Variants in KLHDC10 observed in about 807,000 individuals in gnomAD.
KLHDC10 encodes kelch domain containing 10, also known as kelch domain-containing protein 10.
In KLHDC10, 24 loss-of-function variants were observed where a neutral mutation model predicts 56.1. The ratio of observed to expected loss-of-function variants is 0.43; its 90% CI spans 0.31 to 0.60. KLHDC10 has a LOEUF of 0.60. Among genes scored for constraint, KLHDC10 ranks in the 20% least tolerant of loss-of-function variants. The probability of loss-of-function intolerance (pLI) is 0.11; values close to 1 mark genes in which losing one functional copy is unlikely to be tolerated. For missense variants in KLHDC10, 349 were observed against 567.0 expected, an observed-to-expected ratio of 0.62 and a Z score of 3.91; for synonymous variants, 188 against 207.1, an observed-to-expected ratio of 0.91 and a Z score of 0.79.
At chr7:130,094,272 A>G (rs1795819933) in intron 1 of KLHDC10, among the ~76,000 whole-genome samples, 1 of 152,134 alleles carries the variant, frequency 6.6e-6, no homozygotes, top group African/African-American at 2.4e-5. Flanking sequence ...ACTCCAAAGT[A>G]GTTTTTAATA....
chr7:130,080,457 A>G (rs753477206), intron 1 of KLHDC10, among the ~76,000 whole-genome samples: 17 of 151,888 alleles, frequency 1.1e-4, no homozygotes, highest in African/African-American at 1.7e-4. Flanking sequence ...CAGTGGCACA[A>G]TCATGGGTCA....
chr7:130,106,298 C>T (rs1343846740), intron 2 of KLHDC10, among the ~76,000 whole-genome samples: 1 of 152,122 alleles, frequency 6.6e-6, no homozygotes, highest in East Asian at 1.9e-4. Context: ...GCGAGTCTTT[C>T]CAGATGTGGT....
chr7:130,079,891 T>A (rs1224955545), intron 1 of KLHDC10, among the ~76,000 whole-genome samples: 1 of 130,800 alleles, frequency 7.6e-6, no homozygotes, highest in Non-Finnish European at 1.6e-5. Context: ...CCTCCCTTCC[T>A]CCCTTTCTTC....
rs534994230 is a variant in KLHDC10, at chr7:130,119,819, G to A, written c.476-930G>A. ...AGATCACACCACTACACTCCAGCCC[G>A]GGAGACAGAGCAAGACTCCGTCTTA... On this transcript the variant is annotated intron_variant, in intron 3 of 9. Transcript: ENST00000335420. Among the ~76,000 whole-genome samples the A allele has an allele frequency of 1.1e-3, 164 of 148,364 alleles. 2 individuals carry two copies. Among genetic ancestry groups the A allele is most frequent in the African/African-American group, 2.2e-3 (88 of 40,062 alleles).
At chr7:130,087,158 C>T (rs1795702752) in intron 1 of KLHDC10, among the ~76,000 whole-genome samples, 1 of 152,220 alleles carries the variant, frequency 6.6e-6, no homozygotes, top group Non-Finnish European at 1.5e-5. Flanking sequence ...GCTGCACTCC[C>T]CTCTGCTTCC....
intron 2 of KLHDC10, among the ~76,000 whole-genome samples, chr7:130,109,005 C>T (rs1796062174): frequency 6.6e-6 from 1 of 152,062 alleles, no homozygotes; most frequent in South Asian, 2.1e-4. Flanking sequence ...GCCTCCGCCT[C>T]CGGGGTCTAA....
chr7:130,080,010 T>C (rs1278172617), intron 1 of KLHDC10, among the ~76,000 whole-genome samples: 1 of 150,740 alleles, frequency 6.6e-6, no homozygotes, highest in Non-Finnish European at 1.5e-5. Flanking sequence ...GGTGCAATCA[T>C]AGTTCACTGC....
chr7:130,096,711 G>T (rs1325296204), intron 1 of KLHDC10, among the ~76,000 whole-genome samples: 1 of 152,128 alleles, frequency 6.6e-6, no homozygotes, highest in Admixed American at 6.6e-5. Flanking sequence ...GTATTCTTTT[G>T]GGGGTAAGAG....
chr7:130,110,983 G>T (rs1279230664), intron 2 of KLHDC10, among the ~76,000 whole-genome samples: 1 of 151,930 alleles, frequency 6.6e-6, no homozygotes, highest in Admixed American at 6.6e-5. Context: ...TATTCTTAAA[G>T]AGCAATAAAT....
chr7:130,121,923 A>G lies in KLHDC10; in HGVS notation c.631-131A>G, dbSNP rs146254733. ...GTTCTCTAAAATCTTTATTCTTTTA[A>G]GAGTCTGATACATTAAAAGATTAAA... On this transcript the variant is annotated intron_variant, in intron 4 of 9. Transcript: ENST00000335420. 9.2e-4 allele frequency: 647 copies of G among 700,782 alleles called. 6 individuals are homozygous for G. The African/African-American group carries it at 0.011, about 11-fold the overall frequency. The allele number at this position is 700,782 out of a possible 1,614,324, so 43.4% of individuals were successfully genotyped here. A position where few individuals can be genotyped will look rare whatever the true frequency, so the allele number is the denominator to read the frequency against.
intron 1 of KLHDC10, among the ~76,000 whole-genome samples, chr7:130,091,767 GT>G (rs1435794300): frequency 6.6e-6 from 1 of 151,880 alleles, no homozygotes; most frequent in African/African-American, 2.4e-5. Context: ...AGACTTAAAG[GT>G]TTTACTGGTT....
At chr7:130,082,458 A>G (rs1795621608) in intron 1 of KLHDC10, among the ~76,000 whole-genome samples, 1 of 152,234 alleles carries the variant, frequency 6.6e-6, no homozygotes, top group South Asian at 2.1e-4. Context: ...TACTGTGTAA[A>G]TAATTACTTA....
intron 1 of KLHDC10, among the ~76,000 whole-genome samples, chr7:130,088,281 CT>C (rs1241227985): frequency 1.2e-3 from 171 of 143,792 alleles, no homozygotes; most frequent in Middle Eastern, 3.6e-3. Flanking sequence ...GTGTCTTCAC[CT>C]TTTTTTTTTT....
chr7:130,128,404 C>CACATAGCCTTTGTTACAAGTTATCT (rs1796341479), intron 8 of KLHDC10, among the ~76,000 whole-genome samples: 1 of 152,200 alleles, frequency 6.6e-6, no homozygotes, highest in Non-Finnish European at 1.5e-5. Context: ...TTTGAAGGTT[C>CACATAGCCTTTGTTACAAGTTATCT]ACATAGCCTT....
chr7:130,074,559 G>A lies in KLHDC10; in HGVS notation c.166+3750G>A, dbSNP rs73144776. Among the ~76,000 whole-genome samples the A allele has an allele frequency of 1.1e-3, 165 of 151,694 alleles. 1 individual carries two copies. Among genetic ancestry groups the A allele is most frequent in the Non-Finnish European group, 2.0e-3 (133 of 67,968 alleles). ...TTAGTGTCTAGTGAGTTTGGTTAGTGTGGTTCAATCCTCTAGCCACATTGA... is the reference window on the plus strand; with the variant it reads ...TTAGTGTCTAGTGAGTTTGGTTAGTATGGTTCAATCCTCTAGCCACATTGA... On this transcript the variant is annotated intron_variant, in intron 1 of 9. Coordinates refer to ENST00000335420, the MANE Select transcript of KLHDC10 (RefSeq NM_014997.4).
intron 2 of KLHDC10, among the ~76,000 whole-genome samples, chr7:130,103,945 G>T (rs569082061): frequency 6.6e-6 from 1 of 152,074 alleles, no homozygotes; most frequent in African/African-American, 2.4e-5. Flanking sequence ...AAAATTAGCC[G>T]GGCATGGTGG....
In KLHDC10 at chr7:130,075,610, G is replaced by A. The variant is rs143402306; in HGVS notation, c.166+4801G>A. 1.7e-3 allele frequency among the ~76,000 whole-genome samples: 253 copies of A among 152,276 alleles called. 1 individual carries two copies. The highest frequency in any genetic ancestry group is 5.8e-3 in the African/African-American group (239 of 41,564). On this transcript the variant is annotated intron_variant, in intron 1 of 9. Coordinates refer to ENST00000335420, the MANE Select transcript of KLHDC10 (RefSeq NM_014997.4). ...GTTTACAATCTTGCTAATACAAATAGTGATACAATGAATAGCCCTATACAT... is the reference window on the plus strand; with the variant it reads ...GTTTACAATCTTGCTAATACAAATAATGATACAATGAATAGCCCTATACAT...
chr7:130,122,871 A>G (rs1157707171), intron 5 of KLHDC10, among the ~76,000 whole-genome samples: 1 of 152,162 alleles, frequency 6.6e-6, no homozygotes, highest in East Asian at 1.9e-4. Context: ...TAACTTGCAT[A>G]TTAGAATTCT....
At chr7:130,073,240 A>G (rs1217365823) in intron 1 of KLHDC10, among the ~76,000 whole-genome samples, 2 of 151,888 alleles carry the variant, frequency 1.3e-5, no homozygotes, top group African/African-American at 4.8e-5. Context: ...CAACAACAAA[A>G]AACTATAGTA....
Sources: gnomAD v4.1 joint callset for allele counts (sites outside exome capture counted in the v4.1 genomes callset) on GRCh38, gnomAD v4.1.1 for gene constraint, MANE v1.5 for transcripts, NCBI Gene and HGNC (gene_info 2026-07-23, HGNC 2026-07-21) for gene names.